CHST15: variants seen among roughly 807,000 people sequenced by gnomAD.
The protein encoded by CHST15 is B cell RAG associated protein (GALNAC4S-6ST).
CHST15 carries 30 observed loss-of-function variants against 53.6 expected under a neutral mutation model. That is an observed-to-expected ratio of 0.56 (90% CI 0.42 to 0.76). The LOEUF is 0.76. Among genes scored for constraint, CHST15 ranks in the 30% least tolerant of loss-of-function variants. The pLI, the probability that CHST15 is intolerant of heterozygous loss-of-function variation, is 0.00. For synonymous variants in CHST15, 296 were observed against 289.8 expected (o/e 1.02, Z -0.22); for missense variants, 627 against 740.5 (o/e 0.85, Z 1.78).
intron 1 of CHST15, among the ~76,000 whole-genome samples, chr10:124,084,066 C>A (rs1202771747): frequency 1.3e-5 from 2 of 152,238 alleles, no homozygotes; most frequent in Non-Finnish European, 2.9e-5. Flanking sequence ...GGAGGCTGCA[C>A]CTTTGCAAGG....
chr10:124,089,046 T>A (rs1949526044), intron 1 of CHST15, among the ~76,000 whole-genome samples: 1 of 152,198 alleles, frequency 6.6e-6, no homozygotes, highest in African/African-American at 2.4e-5. Context: ...CCTTGAGCAG[T>A]GGAAACACTC....
chr10:124,015,410 T>G (rs1946557254), intron 6 of CHST15, among the ~76,000 whole-genome samples: 1 of 151,636 alleles, frequency 6.6e-6, no homozygotes, highest in African/African-American at 2.4e-5. Context: ...GGGGGGCTAC[T>G]CAGGGTCAGT....
At chr10:124,015,267 AAAAT>A (rs1409667405) in intron 6 of CHST15, among the ~76,000 whole-genome samples, 1 of 152,170 alleles carries the variant, frequency 6.6e-6, no homozygotes, top group East Asian at 1.9e-4. Context: ...AAATAGAACA[AAAAT>A]AAAAAGCGTA....
chr10:124,056,144 A>T (rs938173320), intron 1 of CHST15, among the ~76,000 whole-genome samples: 4 of 152,168 alleles, frequency 2.6e-5, no homozygotes, highest in Admixed American at 2.0e-4. Flanking sequence ...CTCAAGAGGG[A>T]GCCCATCCTA....
chr10:124,090,452 T>C (rs542693650), intron 1 of CHST15, among the ~76,000 whole-genome samples: 1 of 152,318 alleles, frequency 6.6e-6, no homozygotes, highest in South Asian at 2.1e-4. Context: ...CCAGCACTAA[T>C]CTACAGCTTC....
chr10:124,033,447 A>G (rs1410360719), intron 5 of CHST15, among the ~76,000 whole-genome samples: 5 of 152,160 alleles, frequency 3.3e-5, no homozygotes, highest in Non-Finnish European at 5.9e-5. Context: ...GACTCCTAGG[A>G]CGGTCCTCAG....
At chr10:124,079,449 G>A (rs1031634829) in intron 1 of CHST15, among the ~76,000 whole-genome samples, 3 of 152,196 alleles carry the variant, frequency 2.0e-5, no homozygotes, top group South Asian at 4.1e-4. Context: ...TAACAAGGAC[G>A]GACTCCATGT....
intron 5 of CHST15, among the ~76,000 whole-genome samples, chr10:124,027,923 A>T (rs1947074726): frequency 6.6e-6 from 1 of 152,112 alleles, no homozygotes; most frequent in South Asian, 2.1e-4. Context: ...GGCTGACTAG[A>T]GTGGGTGCTG....
intron 1 of CHST15, among the ~76,000 whole-genome samples, chr10:124,075,337 C>A (rs1949039751): frequency 6.6e-6 from 1 of 152,184 alleles, no homozygotes; most frequent in African/African-American, 2.4e-5. Flanking sequence ...GCACTGCAGG[C>A]TTCCTGCCCT....
In CHST15 at chr10:124,067,939, C is replaced by T. The variant is rs1269646404; in HGVS notation, c.-512-21215G>A. On this transcript the variant is annotated intron_variant, in intron 1 of 7. Transcript: ENST00000435907. ...CTAGAAACAGAAGTGAGTATCATTTCCCCCAAGGAGAGTTGGGTTTTCAAG... is the reference window on the plus strand; with the variant it reads ...CTAGAAACAGAAGTGAGTATCATTTTCCCCAAGGAGAGTTGGGTTTTCAAG... Among the ~76,000 whole-genome samples, 3 of 152,242 alleles carry T rather than the reference C, an allele frequency of 2.0e-5. No individual in the cohort carries two copies. The East Asian group carries it at 5.8e-4, about 29-fold the overall frequency.
chr10:124,064,970 T>C (rs1280433956), intron 1 of CHST15, among the ~76,000 whole-genome samples: 6 of 152,210 alleles, frequency 3.9e-5, no homozygotes, highest in Non-Finnish European at 8.8e-5. Flanking sequence ...TCTCTTCTTT[T>C]GTTCGCTTTT....
In CHST15 at chr10:124,011,352, T is replaced by C. The variant is rs768062848; in HGVS notation, c.1495+981A>G. The C allele has an allele frequency of 1.4e-3, 1,348 of 973,868 alleles. 1 individual carries two copies. The highest frequency in any genetic ancestry group is 1.6e-3 in the Non-Finnish European group (1,271 of 819,686). The allele number at this position is 973,868 out of a possible 1,614,324, so 60.3% of individuals were successfully genotyped here. A position where few individuals can be genotyped will look rare whatever the true frequency, so the allele number is the denominator to read the frequency against. On this transcript the variant is annotated intron_variant, in intron 7 of 7. Transcript: ENST00000435907. Reference sequence around the variant, plus strand: ...AGACAAGCTCATTAATGGGACAGAGTCAACATGTGGTCAAATCAAAGAAAG... The same window carrying C: ...AGACAAGCTCATTAATGGGACAGAGCCAACATGTGGTCAAATCAAAGAAAG...
At chr10:124,087,062 G>T (rs888146778) in intron 1 of CHST15, among the ~76,000 whole-genome samples, 2 of 152,220 alleles carry the variant, frequency 1.3e-5, no homozygotes, top group African/African-American at 2.4e-5. Context: ...CCATCAGCAT[G>T]AGTGAGCTGC....
rs545721193 is a variant in CHST15, at chr10:124,045,043, A to G, written c.547-124T>C. Reference sequence around the variant, plus strand: ...TTCAAATTTGAACTAATATTTGACAATGATTAACAAATAAAGCAAAACTTG... The same window carrying G: ...TTCAAATTTGAACTAATATTTGACAGTGATTAACAAATAAAGCAAAACTTG... On this transcript the variant is annotated intron_variant, in intron 2 of 7. Coordinates refer to ENST00000435907, the MANE Select transcript of CHST15 (RefSeq NM_001270764.2). The G allele has an allele frequency of 6.6e-5, 33 of 503,056 alleles. No homozygotes were observed. The South Asian group carries it at 7.2e-4, about 11-fold the overall frequency. The allele number at this position is 503,056 out of a possible 1,614,324, so 31.2% of individuals were successfully genotyped here.
At chr10:124,015,731 T>C (rs990857529) in intron 6 of CHST15, among the ~76,000 whole-genome samples, 3 of 152,224 alleles carry the variant, frequency 2.0e-5, no homozygotes, top group Admixed American at 2.0e-4. Context: ...CTAACAGAAG[T>C]GGCCCTGGCC....
rs761843014 is a variant in CHST15 at position 124,012,483 on chromosome 10, A to C, written c.1348-3T>G. 6.2e-7 allele frequency: 1 copy of C among 1,609,382 alleles called. No individual in the cohort carries two copies. The highest frequency in any genetic ancestry group is 1.1e-5 in the South Asian group (1 of 90,794). On this transcript the variant is annotated splice_region_variant and splice_polypyrimidine_tract_variant and intron_variant, in intron 6 of 7. Coordinates refer to ENST00000435907, the MANE Select transcript of CHST15 (RefSeq NM_001270764.2). The stretch of plus-strand genomic sequence containing the variant: ...TAGAGCCCAACCTGGAGCCTCACCT[A>C]GGACCACAGAAGAAGGGCATTATTT...
intron 5 of CHST15, among the ~76,000 whole-genome samples, chr10:124,026,333 C>T (rs1219680381): frequency 6.6e-6 from 1 of 152,184 alleles, no homozygotes; most frequent in East Asian, 1.9e-4. Flanking sequence ...GCTATCATTT[C>T]CCCCTTGACT....
chr10:124,069,313 G>T (rs892015642), intron 1 of CHST15, among the ~76,000 whole-genome samples: 2 of 152,152 alleles, frequency 1.3e-5, no homozygotes, highest in African/African-American at 4.8e-5. Context: ...AATAAATATA[G>T]CCAGGAAATT....
intron 6 of CHST15, among the ~76,000 whole-genome samples, chr10:124,017,190 G>A (rs1244881400): frequency 1.3e-5 from 2 of 152,102 alleles, no homozygotes; most frequent in African/African-American, 2.4e-5. Flanking sequence ...GTTCCCCCCT[G>A]CCCTGCCTCT....
Sources: gnomAD v4.1 joint callset for allele counts (sites outside exome capture counted in the v4.1 genomes callset) on GRCh38, gnomAD v4.1.1 for gene constraint, MANE v1.5 for transcripts, NCBI Gene and HGNC (gene_info 2026-07-23, HGNC 2026-07-21) for gene names.